Variants in TRMT2B observed in about 807,000 individuals in gnomAD.
The protein encoded by TRMT2B is tRNA (uracil-5-)-methyltransferase homolog B.
Under a neutral mutation model 39.7 loss-of-function variants are expected in TRMT2B, and 34 were observed. That is an observed-to-expected ratio of 0.86 (90% CI 0.65 to 1.14). The LOEUF (loss-of-function observed/expected upper bound fraction) is 1.14. TRMT2B is among the 50% of genes most tolerant of loss of function. TRMT2B has a pLI of 0.00. For synonymous variants in TRMT2B, 132 were observed against 137.3 expected (o/e 0.96, Z 0.27); for missense variants, 318 against 377.2 (o/e 0.84, Z 1.30).
At chrX:100,988,525 C>T in the TRMT2B span, 6 of 1,134,705 alleles carry the variant, frequency 5.3e-6, no homozygotes, top group African/African-American at 1.8e-5. Context: ...CTTATAGACT[C>T]CAGCTCCATA....
chrX:100,991,814 A>T, the TRMT2B span, among the ~76,000 whole-genome samples: 1 of 111,820 alleles, frequency 8.9e-6, no homozygotes, highest in Admixed American at 9.5e-5. Flanking sequence ...GCCTACAAAA[A>T]GCAGAGCAGG....
At chrX:101,034,504 G>C (rs2148045161) in intron 7 of TRMT2B, among the ~76,000 whole-genome samples, 1 of 111,392 alleles carries the variant, frequency 9.0e-6, no homozygotes, top group African/African-American at 3.3e-5. Context: ...GAGGGAACTG[G>C]GTAGAGGGGT....
the TRMT2B span, among the ~76,000 whole-genome samples, chrX:100,986,088 C>A: frequency 1.8e-5 from 2 of 111,323 alleles, no homozygotes; most frequent in African/African-American, 6.5e-5. Context: ...GAGCTACTTT[C>A]TACCACACAC....
At position 101,051,235 on chromosome X, in the gene TRMT2B, A is replaced by G; in HGVS notation, c.-24+16T>C. The G allele has an allele frequency of 5.4e-6, 4 of 743,150 alleles. No individual in the cohort carries two copies. Among genetic ancestry groups the G allele is most frequent in the Non-Finnish European group, 6.4e-6 (4 of 629,570 alleles). The allele number at this position is 743,150 out of a possible 1,213,427, so 61.2% of individuals were successfully genotyped here. A position where few individuals can be genotyped will look rare whatever the true frequency, so the allele number is the denominator to read the frequency against. On this transcript the variant is annotated intron_variant, in intron 2 of 13. Coordinates refer to ENST00000372936, the MANE Select transcript of TRMT2B (RefSeq NM_024917.6). ...CAGAGAGGTTCAAATCAAAGAGACT[A>G]TGTGGTAGGTCTCACCTGCGCAGGG...
At chrX:101,012,569 G>A (rs1252161877) in intron 13 of TRMT2B, among the ~76,000 whole-genome samples, 2 of 105,221 alleles carry the variant, frequency 1.9e-5, no homozygotes, top group Non-Finnish European at 3.9e-5. Context: ...GAGAATATGC[G>A]GTGTTTGGTT....
intron 13 of TRMT2B, among the ~76,000 whole-genome samples, chrX:101,018,482 G>C (rs775693132): frequency 1.1e-3 from 116 of 101,692 alleles, no homozygotes; most frequent in Non-Finnish European, 2.1e-3. Flanking sequence ...TCTCTCTGTC[G>C]CCCAGGCTGG....
At chrX:100,993,425 A>C in the TRMT2B span, among the ~76,000 whole-genome samples, 2 of 112,202 alleles carry the variant, frequency 1.8e-5, no homozygotes, top group Non-Finnish European at 3.8e-5. Flanking sequence ...TAAGAGTTTT[A>C]TGAGGCAGGA....
the TRMT2B span, chrX:100,985,613 G>A: frequency 1.7e-6 from 2 of 1,161,197 alleles, no homozygotes; most frequent in Non-Finnish European, 2.3e-6. Context: ...CCTGTTAGAT[G>A]AGTATGGAGT....
At chrX:101,046,729 C>A (rs2088695676) in intron 2 of TRMT2B, among the ~76,000 whole-genome samples, 1 of 110,659 alleles carries the variant, frequency 9.0e-6, no homozygotes, top group Non-Finnish European at 1.9e-5. Flanking sequence ...GAGTTCAAGA[C>A]CAACCTGACC....
At chrX:101,047,533 A>G (rs1242174608) in intron 2 of TRMT2B, among the ~76,000 whole-genome samples, 1 of 111,492 alleles carries the variant, frequency 9.0e-6, no homozygotes, top group Non-Finnish European at 1.9e-5. Context: ...TGTTTGTTTT[A>G]AAAATGAGAT....
the TRMT2B span, among the ~76,000 whole-genome samples, chrX:100,980,829 G>C: frequency 1.8e-5 from 2 of 111,375 alleles, no homozygotes; most frequent in East Asian, 5.7e-4. Flanking sequence ...TCAAGACTGG[G>C]TCCTTCCTTT....
chrX:101,036,539 G>A (rs1018594006), intron 6 of TRMT2B, among the ~76,000 whole-genome samples: 7 of 108,059 alleles, frequency 6.5e-5, no homozygotes, highest in East Asian at 2.9e-4. Flanking sequence ...TCCCCTCACC[G>A]ATACACACCT....
At chrX:101,012,521 G>A (rs953725470) in intron 13 of TRMT2B, among the ~76,000 whole-genome samples, 4 of 93,742 alleles carry the variant, frequency 4.3e-5, no homozygotes, top group Non-Finnish European at 8.1e-5. Context: ...CCCTTCCTGT[G>A]TCCATGTGTT....
At position 101,035,597 on chromosome X, in the gene TRMT2B, T is replaced by C. The variant is rs2087788794; in HGVS notation, c.609+16A>G. The C allele has an allele frequency of 8.3e-7, 1 of 1,202,908 alleles. No homozygotes were observed. The highest frequency in any genetic ancestry group is 1.1e-6 in the Non-Finnish European group (1 of 887,266). ...ATGCTCCAGGCCATTCTCAACCAGCTCTTGTTCCATTTTACCTGCGCCACT... is the reference window on the plus strand; with the variant it reads ...ATGCTCCAGGCCATTCTCAACCAGCCCTTGTTCCATTTTACCTGCGCCACT... On this transcript the variant is annotated intron_variant, in intron 7 of 13. Coordinates refer to ENST00000372936, the MANE Select transcript of TRMT2B (RefSeq NM_024917.6).
intron 2 of TRMT2B, among the ~76,000 whole-genome samples, chrX:101,044,359 T>A (rs1164006468): frequency 5.4e-5 from 6 of 111,450 alleles, no homozygotes; most frequent in Non-Finnish European, 1.1e-4. Flanking sequence ...AGCAGTAGGA[T>A]AAGTCGAGAG....
At chrX:100,991,607 C>G in the TRMT2B span, among the ~76,000 whole-genome samples, 1 of 111,595 alleles carries the variant, frequency 9.0e-6, no homozygotes, top group African/African-American at 3.3e-5. Flanking sequence ...ATCTCCTGAC[C>G]TCGTGATCCG....
chrX:101,004,145 C>A, the TRMT2B span, among the ~76,000 whole-genome samples: 2 of 111,311 alleles, frequency 1.8e-5, no homozygotes, highest in East Asian at 5.6e-4. Context: ...TGGAACTACA[C>A]GTGTGCACCA....
chrX:100,975,330 C>T, the TRMT2B span, among the ~76,000 whole-genome samples: 2 of 111,316 alleles, frequency 1.8e-5, no homozygotes, highest in Non-Finnish European at 3.8e-5. Context: ...AAATCAAAAG[C>T]CTCAAGTCAC....
chrX:101,007,488 A>C (rs2086120366), downstream of TRMT2B, among the ~76,000 whole-genome samples: 1 of 110,614 alleles, frequency 9.0e-6, no homozygotes, highest in Non-Finnish European at 1.9e-5. Context: ...CTCTACTAAA[A>C]ATACAAAAAG....
Sources: allele counts gnomAD v4.1 joint callset (sites outside exome capture counted in the v4.1 genomes callset), GRCh38; gene constraint gnomAD v4.1.1; transcripts MANE v1.5; gene names NCBI Gene and HGNC (gene_info 2026-07-23, HGNC 2026-07-21).